Variants in RBFOX1 observed in about 807,000 individuals in gnomAD.
The protein encoded by RBFOX1 is RNA binding protein fox-1 homolog 1.
A neutral mutation model predicts 57.7 loss-of-function variants in RBFOX1; 8 were observed. The ratio of observed to expected loss-of-function variants is 0.14; its 90% CI spans 0.08 to 0.25. The LOEUF (loss-of-function observed/expected upper bound fraction) is 0.25, where lower values mean the gene tolerates loss of function less well. Ranked by LOEUF, RBFOX1 falls within the 10% of genes least tolerant of loss-of-function variation. The probability of loss-of-function intolerance (pLI) is 1.00; values close to 1 mark genes in which losing one functional copy is unlikely to be tolerated. For synonymous variants in RBFOX1, 326 were observed against 222.4 expected (o/e 1.47, Z -4.15); for missense variants, 611 against 548.5 (o/e 1.11, Z -1.14).
chr16:6,929,412 G>T (rs186502082), intron 3 of RBFOX1, among the ~76,000 whole-genome samples: 10 of 152,226 alleles, frequency 6.6e-5, no homozygotes, highest in Non-Finnish European at 2.9e-5. Context: ...CAGTATTGAT[G>T]CCTCCACCAG....
At chr16:5,392,045 A>G (rs919892772) in intron 1 of RBFOX1, among the ~76,000 whole-genome samples, 3 of 152,126 alleles carry the variant, frequency 2.0e-5, no homozygotes, top group African/African-American at 7.2e-5. Context: ...AAAACCAAAC[A>G]TCATATATTC....
chr16:5,815,683 A>G (rs1170088175), intron 3 of RBFOX1, among the ~76,000 whole-genome samples: 1 of 152,156 alleles, frequency 6.6e-6, no homozygotes, highest in East Asian at 1.9e-4. Context: ...GAGTGAGGTA[A>G]TAGGTTTCTT....
intron 3 of RBFOX1, among the ~76,000 whole-genome samples, chr16:6,821,398 T>G (rs1426715075): frequency 1.3e-5 from 2 of 152,236 alleles, no homozygotes; most frequent in East Asian, 3.8e-4. Context: ...TTCATTGAGG[T>G]GTATTCCACA....
intron 3 of RBFOX1, among the ~76,000 whole-genome samples, chr16:5,729,605 A>G (rs1362120663): frequency 1.3e-5 from 2 of 152,112 alleles, no homozygotes; most frequent in South Asian, 4.1e-4. Context: ...GATAATTTGC[A>G]TCTTTACTAA....
chr16:6,355,484 A>T (rs1313019367), intron 2 of RBFOX1, among the ~76,000 whole-genome samples: 2 of 152,174 alleles, frequency 1.3e-5, no homozygotes, highest in African/African-American at 4.8e-5. Context: ...TTATGGCTGC[A>T]TAGTATTCCA....
intron 3 of RBFOX1, among the ~76,000 whole-genome samples, chr16:6,969,733 G>C (rs111450797): frequency 1.6e-4 from 24 of 152,196 alleles, no homozygotes; most frequent in Non-Finnish European, 3.1e-4. Flanking sequence ...GACAGAGCCA[G>C]ACCCTGTCTC....
intron 3 of RBFOX1, among the ~76,000 whole-genome samples, chr16:6,692,864 A>G (rs954479778): frequency 6.6e-6 from 1 of 151,494 alleles, no homozygotes; most frequent in Non-Finnish European, 1.5e-5. Context: ...CATCATCATC[A>G]CCATCCTCAT....
intron 3 of RBFOX1, among the ~76,000 whole-genome samples, chr16:6,835,414 A>C (rs1016768968): frequency 1.3e-5 from 2 of 152,162 alleles, no homozygotes; most frequent in African/African-American, 4.8e-5. Flanking sequence ...CAAGATTCAG[A>C]ATCACATTAA....
intron 4 of RBFOX1, among the ~76,000 whole-genome samples, chr16:7,063,991 T>G (rs2055273682): frequency 6.6e-6 from 1 of 152,268 alleles, no homozygotes; most frequent in Middle Eastern, 3.4e-3. Flanking sequence ...ACAACTATAC[T>G]AAATTATCAT....
rs76791467 is a variant in RBFOX1, at chr16:5,615,165, G to C, written c.318+16204G>C. 4.3e-4 allele frequency among the ~76,000 whole-genome samples: 66 copies of C among 152,280 alleles called. No homozygotes were observed. In the East Asian group the frequency reaches 0.012, roughly 28 times the overall value. On this transcript the variant is annotated intron_variant, in intron 3 of 19. Transcript: ENST00000641259. ...TATTTCCATCCCAGCCTCCCAAGTA[G>C]CTGGAACTACAGGTGCATGCTCCCA...
At chr16:5,710,927 G>A (rs2051464698) in intron 3 of RBFOX1, among the ~76,000 whole-genome samples, 1 of 152,186 alleles carries the variant, frequency 6.6e-6, no homozygotes, top group South Asian at 2.1e-4. Flanking sequence ...CTTATGCTGT[G>A]TGTTAAGTTT....
chr16:6,896,396 T>A (rs2066920619), intron 3 of RBFOX1, among the ~76,000 whole-genome samples: 1 of 152,214 alleles, frequency 6.6e-6, no homozygotes, highest in Non-Finnish European at 1.5e-5. Context: ...CTTTTTTTCT[T>A]TAAACTCATC....
intron 4 of RBFOX1, among the ~76,000 whole-genome samples, chr16:7,336,333 T>C (rs2096786933): frequency 6.6e-6 from 1 of 152,218 alleles, no homozygotes; most frequent in Non-Finnish European, 1.5e-5. Context: ...TCAATCTAGG[T>C]ATCTACCTCA....
At chr16:7,163,035 A>C (rs1282222998) in intron 4 of RBFOX1, among the ~76,000 whole-genome samples, 1 of 152,220 alleles carries the variant, frequency 6.6e-6, no homozygotes, top group Non-Finnish European at 1.5e-5. Flanking sequence ...ATGATGTCTA[A>C]GGTCACAGAG....
intron 3 of RBFOX1, among the ~76,000 whole-genome samples, chr16:6,918,779 C>G (rs970252905): frequency 6.6e-6 from 1 of 151,982 alleles, no homozygotes; most frequent in Non-Finnish European, 1.5e-5. Flanking sequence ...TAATCTTGGG[C>G]ATAGGAGTAT....
chr16:7,252,031 C>A (rs980677985), intron 4 of RBFOX1, among the ~76,000 whole-genome samples: 11 of 152,244 alleles, frequency 7.2e-5, no homozygotes, highest in African/African-American at 2.6e-4. Context: ...GGTGGTGAGA[C>A]AGAAAGTGGA....
At chr16:7,497,921 A>T (rs918119019) in intron 4 of RBFOX1, among the ~76,000 whole-genome samples, 1 of 152,222 alleles carries the variant, frequency 6.6e-6, no homozygotes, top group African/African-American at 2.4e-5. Flanking sequence ...ATCTTTGCAG[A>T]AAGCTGCCCA....
intron 4 of RBFOX1, among the ~76,000 whole-genome samples, chr16:7,348,282 A>G (rs1383276879): frequency 1.3e-5 from 2 of 152,198 alleles, no homozygotes; most frequent in African/African-American, 2.4e-5. Flanking sequence ...TTTGTGGTAC[A>G]TATATTTTCT....
rs565440707 is a variant in RBFOX1, at chr16:5,474,821, C to G, written c.258+7567C>G. ...TTATTTCTGTTTGTTTTTCTTGGTA[C>G]TGGCCAAATATTGTCCCGTACATAT... On this transcript the variant is annotated intron_variant, in intron 2 of 2. Transcript: ENST00000585867. 1.4e-3 allele frequency among the ~76,000 whole-genome samples: 209 copies of G among 152,286 alleles called. 1 individual carries two copies. Among genetic ancestry groups the G allele is most frequent in the African/African-American group, 4.8e-3 (201 of 41,564 alleles).
Sources: allele counts gnomAD v4.1 joint callset (sites outside exome capture counted in the v4.1 genomes callset), GRCh38; gene constraint gnomAD v4.1.1; transcripts MANE v1.5; gene names NCBI Gene and HGNC (gene_info 2026-07-23, HGNC 2026-07-21).